BCAS3: variants seen among roughly 807,000 people sequenced by gnomAD.
The protein encoded by BCAS3 is BCAS4/BCAS3 fusion.
Under a neutral mutation model 116.1 loss-of-function variants are expected in BCAS3, and 53 were observed. That is an observed-to-expected ratio of 0.46 (90% confidence interval 0.37 to 0.57). The LOEUF is 0.57. Among genes scored for constraint, BCAS3 ranks in the 20% least tolerant of loss-of-function variants. BCAS3 has a pLI of 0.00. For synonymous variants in BCAS3, 391 were observed against 408.2 expected, an observed-to-expected ratio of 0.96 and a Z score of 0.51; for missense variants, 917 against 1,165.4, an observed-to-expected ratio of 0.79 and a Z score of 3.10.
At chr17:60,682,870 C>T (rs1358640337) in intron 2 of BCAS3, among the ~76,000 whole-genome samples, 3 of 152,112 alleles carry the variant, frequency 2.0e-5, no homozygotes, top group African/African-American at 2.4e-5. Flanking sequence ...CTGAAATTTA[C>T]GTACTTTGTA....
chr17:61,371,058 T>C (rs1218713209), intron 23 of BCAS3, among the ~76,000 whole-genome samples: 1 of 152,226 alleles, frequency 6.6e-6, no homozygotes, highest in African/African-American at 2.4e-5. Flanking sequence ...GCTAAGTCAG[T>C]TCCCTTAATG....
chr17:61,064,807 C>T (rs1434780641), intron 19 of BCAS3, among the ~76,000 whole-genome samples: 1 of 152,146 alleles, frequency 6.6e-6, no homozygotes, highest in African/African-American at 2.4e-5. Context: ...TATGGTACTA[C>T]AGGGTCAGGG....
intron 7 of BCAS3, chr17:60,810,149 C>T (rs2048661816): frequency 5.2e-6 from 2 of 384,794 alleles, no homozygotes; most frequent in Admixed American, 6.0e-5. Flanking sequence ...TCCTCTCACT[C>T]TCCCCACTGG....
intron 10 of BCAS3, among the ~76,000 whole-genome samples, chr17:60,898,071 C>T (rs1172718175): frequency 6.6e-6 from 1 of 151,970 alleles, no homozygotes; most frequent in Non-Finnish European, 1.5e-5. Context: ...TAAAAATTAT[C>T]TGTCTCTTTG....
intron 13 of BCAS3, among the ~76,000 whole-genome samples, chr17:60,935,694 A>G (rs913147758): frequency 6.6e-6 from 1 of 152,190 alleles, no homozygotes; most frequent in Non-Finnish European, 1.5e-5. Flanking sequence ...CTTGATGACT[A>G]TCTTTGAAAC....
At chr17:60,812,531 C>G (rs1249642591) in intron 7 of BCAS3, among the ~76,000 whole-genome samples, 3 of 152,092 alleles carry the variant, frequency 2.0e-5, no homozygotes, top group African/African-American at 7.2e-5. Context: ...GTAACAATAT[C>G]TGTTTGGGAG....
intron 2 of BCAS3, among the ~76,000 whole-genome samples, chr17:60,682,263 A>G (rs986469357): frequency 6.6e-6 from 1 of 152,164 alleles, no homozygotes; most frequent in Non-Finnish European, 1.5e-5. Context: ...ATAGAAAGAA[A>G]GGTGGTATAA....
intron 5 of BCAS3, among the ~76,000 whole-genome samples, chr17:60,731,959 G>A (rs2040500358): frequency 2.0e-5 from 3 of 151,836 alleles, no homozygotes; most frequent in Admixed American, 1.3e-4. Flanking sequence ...ATTTTTAGTA[G>A]AGATGGGGTT....
At position 61,188,571 on chromosome 17, in the gene BCAS3, TTCTC is replaced by T. The variant is rs1286747492; in HGVS notation, c.2425+104009_2425+104012del. 1.3e-5 allele frequency among the ~76,000 whole-genome samples: 2 copies of T among 152,270 alleles called. No homozygotes were observed. The highest frequency in any genetic ancestry group is 4.8e-5 in the African/African-American group (2 of 41,480). ...TAAACAACTTTATTGTTATTGGTGA[TTCTC>T]TTTCTTTTTCTCTAAACCTTAGCAG... On this transcript the variant is annotated intron_variant, in intron 22 of 23. Transcript: ENST00000407086. The surrounding 1 kb of genome is among the most constrained non-coding windows in gnomAD (Gnocchi z 4.0).
intron 12 of BCAS3, among the ~76,000 whole-genome samples, chr17:60,911,337 C>T (rs75527347): frequency 6.6e-6 from 1 of 151,850 alleles, no homozygotes; most frequent in Admixed American, 6.6e-5. Context: ...CTTGCTCTGT[C>T]GCCCAAGCTA....
chr17:60,734,282 A>G (rs375084379), intron 5 of BCAS3, among the ~76,000 whole-genome samples: 3 of 152,260 alleles, frequency 2.0e-5, no homozygotes, highest in South Asian at 2.1e-4. Context: ...GGTGCACACT[A>G]CCACACCCAG....
At position 61,365,179 on chromosome 17, in the gene BCAS3, ATCCACCACTAT is replaced by A; in HGVS notation, c.2426-3147_2426-3137del. ...TTTCTTGAAGTCCAGGCCTATTTCC[ATCCACCACTAT>A]GACACTAGCTCATGATTCTTTTCTC... On this transcript the variant is annotated intron_variant, in intron 22 of 23. Coordinates refer to ENST00000407086, the MANE Select transcript of BCAS3 (RefSeq NM_017679.5). The surrounding 1 kb of genome is among the most constrained non-coding windows in gnomAD (Gnocchi z 4.6). 1.3e-5 allele frequency among the ~76,000 whole-genome samples: 2 copies of A among 152,148 alleles called. No homozygotes were observed. Among genetic ancestry groups the A allele is most frequent in the Admixed American group, 6.5e-5 (1 of 15,272 alleles).
At chr17:60,766,004 C>T (rs1030471835) in intron 6 of BCAS3, among the ~76,000 whole-genome samples, 6 of 152,230 alleles carry the variant, frequency 3.9e-5, no homozygotes, top group African/African-American at 4.8e-5. Context: ...GCATGTGTCA[C>T]GTAGTTCTCG....
chr17:61,215,132 T>G lies in BCAS3; in HGVS notation c.2425+130568T>G, dbSNP rs1375899786. 2.0e-5 allele frequency among the ~76,000 whole-genome samples: 3 copies of G among 152,236 alleles called. No individual in the cohort carries two copies. Among genetic ancestry groups the G allele is most frequent in the Non-Finnish European group, 4.4e-5 (3 of 68,036 alleles). On this transcript the variant is annotated intron_variant, in intron 22 of 23. Coordinates refer to ENST00000407086, the MANE Select transcript of BCAS3 (RefSeq NM_017679.5). This position sits in a 1 kb window ranked among gnomAD's most constrained non-coding sequence, Gnocchi z 4.8. ...ACCCCTTGACTTAATCTAATTATTT[T>G]CAGTTCAGGGAGCTTCCTGAAAATG... is the stretch of plus-strand genomic sequence containing the variant.
intron 14 of BCAS3, among the ~76,000 whole-genome samples, chr17:60,987,937 T>C (rs2063252882): frequency 1.3e-5 from 2 of 152,136 alleles, no homozygotes; most frequent in Admixed American, 1.3e-4. Context: ...TTTTTCCCTG[T>C]TCAGTAAGAT....
intron 22 of BCAS3, among the ~76,000 whole-genome samples, chr17:61,135,575 C>T (rs1362375631): frequency 6.6e-6 from 1 of 152,186 alleles, no homozygotes; most frequent in African/African-American, 2.4e-5. Context: ...TGACTTGTCA[C>T]CTTGAGGTCC....
At chr17:61,183,898 T>A (rs756707259) in intron 22 of BCAS3, among the ~76,000 whole-genome samples, 7 of 152,212 alleles carry the variant, frequency 4.6e-5, no homozygotes, top group African/African-American at 7.2e-5. Flanking sequence ...GTTTGAACAT[T>A]TCAAAAGGCA....
At chr17:60,687,946 G>A (rs1598047880) in intron 3 of BCAS3, 1 of 152,296 alleles carries the variant, frequency 6.6e-6, no homozygotes, top group South Asian at 2.1e-4. Context: ...CACAGGGAAA[G>A]CAAAAAGAGG....
chr17:60,699,674 G>A (rs563163664), intron 4 of BCAS3, among the ~76,000 whole-genome samples: 3 of 152,264 alleles, frequency 2.0e-5, no homozygotes, highest in African/African-American at 7.2e-5. Flanking sequence ...AATTACTGAT[G>A]TATTAGCCAT....
Sources: gnomAD v4.1 joint callset for allele counts (sites outside exome capture counted in the v4.1 genomes callset) on GRCh38, gnomAD v4.1.1 for gene constraint, Gnocchi (gnomAD v3.1) non-coding constraint, MANE v1.5 for transcripts, NCBI Gene and HGNC (gene_info 2026-07-23, HGNC 2026-07-21) for gene names.